The following MEIS1 variants were observed in gnomAD, a reference collection of about 807,000 sequenced individuals.
MEIS1 encodes the protein Meis homeobox 1.
Under a neutral mutation model 50.8 loss-of-function variants are expected in MEIS1, and 5 were observed. The ratio of observed to expected loss-of-function variants is 0.10; its 90% CI spans 0.05 to 0.21. MEIS1 has a LOEUF of 0.21. Among genes scored for constraint, MEIS1 ranks in the 10% least tolerant of loss-of-function variants. MEIS1 has a pLI of 1.00. For missense variants in MEIS1, 318 were observed against 517.3 expected, an observed-to-expected ratio of 0.61 and a Z score of 3.74; for synonymous variants, 176 against 179.3, an observed-to-expected ratio of 0.98 and a Z score of 0.15.
At chr2:66,568,010 T>G (rs1448573033) in intron 10 of MEIS1, 1 of 198,660 alleles carries the variant, frequency 5.0e-6, no homozygotes, top group African/African-American at 2.3e-5. Flanking sequence ...CAGCTTTTCA[T>G]GTACAGTTAA....
intron 7 of MEIS1, among the ~76,000 whole-genome samples, chr2:66,507,369 ATGATCT>A (rs1326289970): frequency 1.6e-4 from 25 of 152,204 alleles, no homozygotes; most frequent in African/African-American, 5.8e-4. Flanking sequence ...GTAAATGAAA[ATGATCT>A]TGAAGTCACT....
chr2:66,535,957 A>T (rs1674507815), intron 8 of MEIS1, among the ~76,000 whole-genome samples: 1 of 152,204 alleles, frequency 6.6e-6, no homozygotes, highest in Non-Finnish European at 1.5e-5. Flanking sequence ...TAAAGAGAAA[A>T]GAGTTTTCAT....
intron 7 of MEIS1, among the ~76,000 whole-genome samples, chr2:66,475,882 T>A (rs909441652): frequency 2.6e-5 from 4 of 152,234 alleles, no homozygotes; most frequent in African/African-American, 9.6e-5. Flanking sequence ...CTCATTGGAA[T>A]CTGAGTCTTG....
chr2:66,473,058 A>C (rs1427157657), intron 7 of MEIS1, among the ~76,000 whole-genome samples: 1 of 152,136 alleles, frequency 6.6e-6, no homozygotes, highest in Non-Finnish European at 1.5e-5. Flanking sequence ...TCAATCTTCT[A>C]AATATTTTTT....
intron 8 of MEIS1, among the ~76,000 whole-genome samples, chr2:66,520,868 C>T (rs1159678910): frequency 6.6e-6 from 1 of 152,196 alleles, no homozygotes; most frequent in Non-Finnish European, 1.5e-5. Context: ...CCAGGATCTC[C>T]TGACTTGAAT....
At position 66,473,849 on chromosome 2, in the gene MEIS1, A is replaced by G. The variant is rs372185061; in HGVS notation, c.742+9629A>G. ...TTGGTATCCCCCAGGGATTGGTTCC[A>G]GGACCCTCTCCCCTCAACCCCGCAG... On this transcript the variant is annotated intron_variant, in intron 7 of 12. Transcript: ENST00000272369. 1.6e-4 allele frequency among the ~76,000 whole-genome samples: 24 copies of G among 152,242 alleles called. No homozygotes were observed. The East Asian group carries it at 2.9e-3, about 18-fold the overall frequency.
chr2:66,435,963 C>G lies in MEIS1; in HGVS notation c.12+95C>G, dbSNP rs374474279. ...TAAAAAGTTTCCTTTTTTTCTCTCT[C>G]TCTTTTAAAAAATGAGGCTCCTAAA... On this transcript the variant is annotated intron_variant, in intron 1 of 12. Transcript: ENST00000272369. 4.2e-4 allele frequency: 489 copies of G among 1,174,482 alleles called. 4 individuals are homozygous for G. The African/African-American group carries it at 7.2e-3, about 17-fold the overall frequency. 72.8% of individuals were successfully genotyped at this position (1,174,482 alleles called of 1,614,324 possible).
At chr2:66,461,012 C>T (rs1407323647) in intron 6 of MEIS1, among the ~76,000 whole-genome samples, 1 of 152,088 alleles carries the variant, frequency 6.6e-6, no homozygotes, top group Non-Finnish European at 1.5e-5. Flanking sequence ...AATGAGAACG[C>T]AGCCATTGCT....
At chr2:66,457,996 C>T (rs1672433129) in intron 6 of MEIS1, among the ~76,000 whole-genome samples, 1 of 152,196 alleles carries the variant, frequency 6.6e-6, no homozygotes, top group African/African-American at 2.4e-5. Flanking sequence ...AAAGAGAAAG[C>T]CGCCTATTGA....
chr2:66,530,715 C>CA (rs5831815), intron 8 of MEIS1, among the ~76,000 whole-genome samples: 21 of 148,792 alleles, frequency 1.4e-4, no homozygotes, highest in East Asian at 2.0e-4. Flanking sequence ...GACTCCAACT[C>CA]AAAAAAAAAA....
chr2:66,471,409 T>A lies in MEIS1; in HGVS notation c.742+7189T>A, dbSNP rs567928975. 9.8e-5 allele frequency among the ~76,000 whole-genome samples: 15 copies of A among 152,356 alleles called. No individual in the cohort carries two copies. In the South Asian group the frequency reaches 3.1e-3, roughly 32 times the overall value. ...TGGTTTGCACACTTGATTTGTGATG[T>A]CAATGACGTCTGTCTACTGGCCACT... On this transcript the variant is annotated intron_variant, in intron 7 of 12. Transcript: ENST00000272369.
chr2:66,509,625 C>T (rs571078942), intron 7 of MEIS1, among the ~76,000 whole-genome samples: 1 of 152,306 alleles, frequency 6.6e-6, no homozygotes, highest in East Asian at 1.9e-4. Flanking sequence ...CATAAGTCTT[C>T]ACTTAAAAAA....
At position 66,498,756 on chromosome 2, in the gene MEIS1, G is replaced by A. The variant is rs544791386; in HGVS notation, c.743-13393G>A. Reference sequence around the variant, plus strand: ...CCCAGCACACTTTCTAGCTTTATTTGCCTGGAGGGGAAGATTCTCCAGAAC... The same window carrying A: ...CCCAGCACACTTTCTAGCTTTATTTACCTGGAGGGGAAGATTCTCCAGAAC... On this transcript the variant is annotated intron_variant, in intron 7 of 12. Coordinates refer to ENST00000272369, the MANE Select transcript of MEIS1 (RefSeq NM_002398.3). Among the ~76,000 whole-genome samples the A allele has an allele frequency of 4.6e-5, 7 of 152,256 alleles. No individual in the cohort carries two copies. The East Asian group carries it at 1.2e-3, about 25-fold the overall frequency.
chr2:66,526,909 T>G (rs1419785927), intron 8 of MEIS1, among the ~76,000 whole-genome samples: 2 of 152,144 alleles, frequency 1.3e-5, no homozygotes, highest in Non-Finnish European at 2.9e-5. Flanking sequence ...GGCCCACACC[T>G]TGAAGTGAAA....
At chr2:66,555,663 G>A (rs1453789227) in intron 9 of MEIS1, among the ~76,000 whole-genome samples, 1 of 152,072 alleles carries the variant, frequency 6.6e-6, no homozygotes, top group African/African-American at 2.4e-5. Flanking sequence ...CCTATTTTGT[G>A]TCAACAGTTG....
At chr2:66,438,082 T>C in intron 2 of MEIS1, 119 bp downstream of exon 2, 1 of 930,902 alleles carries the variant, frequency 1.1e-6, no homozygotes, top group Non-Finnish European at 1.6e-6. Context: ...TGGTGACTTT[T>C]CATTCACATT....
At chr2:66,519,388 CAGT>C (rs766215326) in intron 8 of MEIS1, among the ~76,000 whole-genome samples, 1 of 152,148 alleles carries the variant, frequency 6.6e-6, no homozygotes, top group Non-Finnish European at 1.5e-5. Flanking sequence ...ACTTTCACTT[CAGT>C]ATTGCTCACC....
intron 9 of MEIS1, among the ~76,000 whole-genome samples, chr2:66,554,972 T>C (rs2103946514): frequency 6.6e-6 from 1 of 152,344 alleles, no homozygotes; most frequent in Middle Eastern, 3.4e-3. Context: ...TTTTTAGCAG[T>C]GTGCTATGAG....
chr2:66,439,534 C>A, intron 2 of MEIS1: 2 of 1,497,614 alleles, frequency 1.3e-6, no homozygotes, highest in Non-Finnish European at 1.8e-6. Context: ...AAACTTAATT[C>A]AAAATGGCTG....
Sources: gnomAD v4.1 joint callset for allele counts (sites outside exome capture counted in the v4.1 genomes callset) on GRCh38, gnomAD v4.1.1 for gene constraint, MANE v1.5 for transcripts, NCBI Gene and HGNC (gene_info 2026-07-23, HGNC 2026-07-21) for gene names.